Variants in IL1RAPL2 observed in about 807,000 individuals in gnomAD.
The protein encoded by IL1RAPL2 is interleukin 1 receptor accessory protein like 2, also known as X-linked interleukin-1 receptor accessory protein-like 2.
In IL1RAPL2, 3 loss-of-function variants were observed where a neutral mutation model predicts 44.1. The observed-to-expected ratio is 0.07, with a 90% CI of 0.03 to 0.18. IL1RAPL2 has a LOEUF of 0.18. Ranked by LOEUF, IL1RAPL2 falls within the 10% of genes least tolerant of loss-of-function variation. The pLI, the probability that IL1RAPL2 is intolerant of heterozygous loss-of-function variation, is 1.00. For synonymous variants in IL1RAPL2, 181 were observed against 178.8 expected, an observed-to-expected ratio of 1.01 and a Z score of -0.10; for missense variants, 391 against 496.4, an observed-to-expected ratio of 0.79 and a Z score of 2.02.
chrX:104,830,176 G>C (rs1304280856), intron 2 of IL1RAPL2, among the ~76,000 whole-genome samples: 1 of 111,588 alleles, frequency 9.0e-6, no homozygotes, highest in Admixed American at 9.6e-5. Context: ...AAAGGACAGG[G>C]TAATCAGGGG....
intron 5 of IL1RAPL2, among the ~76,000 whole-genome samples, chrX:105,359,450 G>A (rs1053095321): frequency 9.0e-6 from 1 of 111,355 alleles, no homozygotes; most frequent in Non-Finnish European, 1.9e-5. Flanking sequence ...TCATTTAATT[G>A]TTATAACCCT....
chrX:105,658,048 GCTGGCCGA>G (rs1270896455), intron 6 of IL1RAPL2, among the ~76,000 whole-genome samples: 2 of 111,007 alleles, frequency 1.8e-5, no homozygotes, highest in African/African-American at 6.6e-5. Flanking sequence ...TTATAACATG[GCTGGCCGA>G]CTGGACCTTA....
chrX:104,700,644 A>G (rs1018211474), intron 2 of IL1RAPL2, among the ~76,000 whole-genome samples: 1 of 111,724 alleles, frequency 9.0e-6, no homozygotes, highest in African/African-American at 3.3e-5. Context: ...CACTTTTGCA[A>G]TGGCTTCCTG....
At chrX:105,146,719 A>T (rs1245259760) in intron 2 of IL1RAPL2, among the ~76,000 whole-genome samples, 1 of 111,247 alleles carries the variant, frequency 9.0e-6, no homozygotes, top group Non-Finnish European at 1.9e-5. Flanking sequence ...GTGAGAAAAA[A>T]TGAGACATTT....
chrX:105,228,999 A>T (rs2034043284), intron 3 of IL1RAPL2, among the ~76,000 whole-genome samples: 1 of 112,230 alleles, frequency 8.9e-6, no homozygotes, highest in South Asian at 3.7e-4. Flanking sequence ...CTGCAGTATC[A>T]TTGCAAAGGC....
intron 10 of IL1RAPL2, among the ~76,000 whole-genome samples, chrX:105,758,069 A>T (rs974483640): frequency 1.8e-5 from 2 of 111,376 alleles, no homozygotes; most frequent in Admixed American, 1.9e-4. Context: ...AAATACAGAC[A>T]CATTCCTGTT....
intron 2 of IL1RAPL2, among the ~76,000 whole-genome samples, chrX:104,749,642 AT>A (rs1312530857): frequency 1.8e-5 from 2 of 111,563 alleles, no homozygotes; most frequent in Non-Finnish European, 3.8e-5. Flanking sequence ...CTGGAGAAGA[AT>A]ATTCTTAGCT....
At chrX:105,204,919 A>T (rs187753064) in intron 3 of IL1RAPL2, among the ~76,000 whole-genome samples, 1 of 112,095 alleles carries the variant, frequency 8.9e-6, no homozygotes, top group Non-Finnish European at 1.9e-5. Context: ...ATAAAGACCC[A>T]TTTGGTTATT....
chrX:105,590,843 GTGTGTT>G (rs1220835982), intron 6 of IL1RAPL2, among the ~76,000 whole-genome samples: 35 of 99,926 alleles, frequency 3.5e-4, no homozygotes, highest in Middle Eastern at 4.9e-3. Context: ...GTGTGTGTGT[GTGTGTT>G]TGTGTGTGTT....
At chrX:105,730,795 T>C (rs777066225) in intron 7 of IL1RAPL2, among the ~76,000 whole-genome samples, 128 of 111,124 alleles carry the variant, frequency 1.2e-3, no homozygotes, top group Admixed American at 2.2e-3. Context: ...AAGAAATAAA[T>C]TTAAAAAGTC....
chrX:105,475,816 T>G (rs2036194526), intron 5 of IL1RAPL2, among the ~76,000 whole-genome samples: 2 of 112,519 alleles, frequency 1.8e-5, no homozygotes, highest in Non-Finnish European at 3.8e-5. Flanking sequence ...AACATTGTTC[T>G]CTCCAGAGAA....
chrX:105,374,764 C>T lies in IL1RAPL2; in HGVS notation c.697+107223C>T, dbSNP rs185705811. On this transcript the variant is annotated intron_variant, in intron 5 of 10. Coordinates refer to ENST00000372582, the MANE Select transcript of IL1RAPL2 (RefSeq NM_017416.2). ...GAGATCGAGACCATCCTGGCTAACA[C>T]GGTGAAACCCTGTCTCTACTAAAAA... Among the ~76,000 whole-genome samples the T allele has an allele frequency of 5.3e-3, 576 of 107,723 alleles. 5 individuals carry two copies. The highest frequency in any genetic ancestry group is 0.018 in the African/African-American group (530 of 29,541). 93.5% of individuals were successfully genotyped at this position (107,723 alleles called of 115,157 possible). A position where few individuals can be genotyped will look rare whatever the true frequency, so the allele number is the denominator to read the frequency against.
chrX:104,944,601 G>A lies in IL1RAPL2; in HGVS notation c.83-250874G>A, dbSNP rs113254930. On this transcript the variant is annotated intron_variant, in intron 2 of 10. Coordinates refer to ENST00000372582, the MANE Select transcript of IL1RAPL2 (RefSeq NM_017416.2). ...CTAAATTTTACATTTAATTTATGAG[G>A]ACAATGCTGCCTCCTTAGAACTGGC... is the stretch of plus-strand genomic sequence containing the variant. Among the ~76,000 whole-genome samples the A allele has an allele frequency of 3.1e-3, 344 of 111,473 alleles. 2 individuals carry two copies. Among genetic ancestry groups the A allele is most frequent in the African/African-American group, 0.011 (327 of 30,746 alleles).
intron 5 of IL1RAPL2, among the ~76,000 whole-genome samples, chrX:105,291,709 T>TA (rs1471469968): frequency 1.8e-5 from 2 of 111,359 alleles, no homozygotes; most frequent in East Asian, 5.6e-4. Context: ...TATCCTTCCA[T>TA]AAATATTCTG....
intron 2 of IL1RAPL2, among the ~76,000 whole-genome samples, chrX:105,000,768 A>G (rs1569358584): frequency 1.8e-5 from 2 of 111,846 alleles, no homozygotes; most frequent in East Asian, 5.7e-4. Context: ...AAAACATTAC[A>G]CTAGTCCTGA....
At chrX:105,613,998 T>C (rs758584881) in intron 6 of IL1RAPL2, among the ~76,000 whole-genome samples, 1 of 111,035 alleles carries the variant, frequency 9.0e-6, no homozygotes, top group South Asian at 3.8e-4. Flanking sequence ...GGATACAAAA[T>C]CAACATGCAA....
intron 6 of IL1RAPL2, among the ~76,000 whole-genome samples, chrX:105,708,202 T>C (rs924129681): frequency 1.8e-5 from 2 of 111,631 alleles, no homozygotes; most frequent in African/African-American, 6.5e-5. Flanking sequence ...TTGAACATCA[T>C]TTCTAGAGTC....
chrX:105,121,132 C>T (rs1400915992), intron 2 of IL1RAPL2, among the ~76,000 whole-genome samples: 1 of 111,430 alleles, frequency 9.0e-6, no homozygotes, highest in Non-Finnish European at 1.9e-5. Context: ...AAATTCCACA[C>T]CTTTCTTTTT....
At chrX:104,754,326 A>G (rs924700686) in intron 2 of IL1RAPL2, among the ~76,000 whole-genome samples, 1 of 112,093 alleles carries the variant, frequency 8.9e-6, no homozygotes, top group Admixed American at 9.5e-5. Flanking sequence ...CAATTTAAAT[A>G]TGATTGGCAC....
Sources: allele counts gnomAD v4.1 joint callset (sites outside exome capture counted in the v4.1 genomes callset), GRCh38; gene constraint gnomAD v4.1.1; transcripts MANE v1.5; gene names NCBI Gene and HGNC (gene_info 2026-07-23, HGNC 2026-07-21).